The following ARHGAP31 variants were observed in gnomAD, a reference collection of about 807,000 sequenced individuals.
ARHGAP31 encodes the protein Rho GTPase activating protein 31, also known as rho GTPase-activating protein 31.
ARHGAP31 carries 34 observed loss-of-function variants against 113.9 expected under a neutral mutation model. The ratio of observed to expected loss-of-function variants is 0.30; its 90% CI spans 0.23 to 0.40. ARHGAP31 has a LOEUF of 0.40. Ranked by LOEUF, ARHGAP31 falls within the 10% of genes least tolerant of loss-of-function variation. ARHGAP31 has a pLI of 1.00. For synonymous variants in ARHGAP31, 650 were observed against 684.8 expected (o/e 0.95, Z 0.79); for missense variants, 1,548 against 1,767.1 (o/e 0.88, Z 2.22).
At chr3:119,351,135 G>C (rs146160542) in intron 1 of ARHGAP31, among the ~76,000 whole-genome samples, 16 of 152,330 alleles carry the variant, frequency 1.1e-4, no homozygotes, top group African/African-American at 3.8e-4. Flanking sequence ...TGCTGTAACT[G>C]TTGGGTACCC....
chr3:119,330,783 CTA>C (rs969880323), intron 1 of ARHGAP31, among the ~76,000 whole-genome samples: 9 of 152,188 alleles, frequency 5.9e-5, no homozygotes, highest in African/African-American at 2.2e-4. Flanking sequence ...TTAGGAGAAA[CTA>C]TAACTAAATG....
chr3:119,341,642 A>G (rs1364954196), intron 1 of ARHGAP31, among the ~76,000 whole-genome samples: 3 of 152,180 alleles, frequency 2.0e-5, no homozygotes, highest in Non-Finnish European at 4.4e-5. Context: ...CTTCTTAAAT[A>G]TATATCTATA....
Position 119,414,285 on chromosome 3 carries a change from C to T in ARHGAP31, c.2356C>T (p.Pro786Ser), listed in dbSNP as rs1389287145. ...GTCTCCTCCACTCCCACCTGCTCCT[C>T]CCCCTCCAACTCCTCTGGAGGAGTC... ...NLSPPLPPAP[P>S]PPTPLEESTP... is the part of the protein sequence containing the mutation. Residue 786 changes from proline to serine, a missense_variant, in exon 12 of 12, where the codon CCC becomes TCC. Coordinates refer to ENST00000264245, the MANE Select transcript of ARHGAP31 (RefSeq NM_020754.4). 4 of 1,614,094 alleles carry T rather than the reference C, an allele frequency of 2.5e-6. No homozygotes were observed. Among genetic ancestry groups the T allele is most frequent in the East Asian group, 2.2e-5 (1 of 44,890 alleles).
chr3:119,385,381 G>A (rs1416120455), intron 6 of ARHGAP31, among the ~76,000 whole-genome samples: 1 of 151,908 alleles, frequency 6.6e-6, no homozygotes, highest in Non-Finnish European at 1.5e-5. Context: ...TCTGCTTTTT[G>A]TGATTATGTA....
chr3:119,315,285 A>T (rs1381537568), intron 1 of ARHGAP31, among the ~76,000 whole-genome samples: 1 of 152,250 alleles, frequency 6.6e-6, no homozygotes, highest in Non-Finnish European at 1.5e-5. Context: ...TCCCTAAATT[A>T]TTCCAACTTT....
chr3:119,296,473 C>T (rs539829870), intron 1 of ARHGAP31, among the ~76,000 whole-genome samples: 11 of 152,222 alleles, frequency 7.2e-5, no homozygotes, highest in Non-Finnish European at 1.6e-4. Context: ...AAAGGTTCCT[C>T]TTCACCTATT....
intron 1 of ARHGAP31, among the ~76,000 whole-genome samples, chr3:119,302,915 A>G (rs974567119): frequency 1.3e-5 from 2 of 152,220 alleles, no homozygotes; most frequent in African/African-American, 4.8e-5. Context: ...ACCCTCTGCA[A>G]GGTGCATTTC....
At chr3:119,377,642 T>G (rs1289755510) in intron 3 of ARHGAP31, among the ~76,000 whole-genome samples, 2 of 151,938 alleles carry the variant, frequency 1.3e-5, no homozygotes, top group African/African-American at 4.8e-5. Flanking sequence ...TCCACAGGTG[T>G]AACAAAGACA....
At chr3:119,328,597 C>A (rs1330737587) in intron 1 of ARHGAP31, among the ~76,000 whole-genome samples, 1 of 152,070 alleles carries the variant, frequency 6.6e-6, no homozygotes, top group Non-Finnish European at 1.5e-5. Flanking sequence ...TCCCTGCCCA[C>A]CCAAACCCCT....
intron 7 of ARHGAP31, 93 bp downstream of exon 7, chr3:119,391,076 GT>G: frequency 7.2e-7 from 1 of 1,395,852 alleles, no homozygotes. Context: ...AGATGGCAGT[GT>G]GGGTTGGAGG....
At position 119,416,656 on chromosome 3, in the gene ARHGAP31, G is replaced by GC. The variant is rs941233172; in HGVS notation, c.*393dup. 36 of 295,960 alleles carry GC rather than the reference G, an allele frequency of 1.2e-4. No individual in the cohort carries two copies. Among genetic ancestry groups the GC allele is most frequent in the African/African-American group, 6.8e-4 (31 of 45,492 alleles). 18.3% of individuals were successfully genotyped at this position (295,960 alleles called of 1,614,324 possible). ...TCTTTGAAAGAAAGAAAAATCTCTTGCTGTGTCAAACCTCAAAATGTTGCT... is the reference window on the plus strand; with the variant it reads ...TCTTTGAAAGAAAGAAAAATCTCTTGCCTGTGTCAAACCTCAAAATGTTGCT... On this transcript the variant is annotated 3_prime_UTR_variant, in exon 12 of 12. Coordinates refer to ENST00000264245, the MANE Select transcript of ARHGAP31 (RefSeq NM_020754.4).
At chr3:119,342,363 G>T (rs1455498523) in intron 1 of ARHGAP31, among the ~76,000 whole-genome samples, 1 of 152,074 alleles carries the variant, frequency 6.6e-6, no homozygotes, top group Non-Finnish European at 1.5e-5. Context: ...AAGATCAAAA[G>T]AAAAAATAAA....
intron 3 of ARHGAP31, among the ~76,000 whole-genome samples, chr3:119,373,445 G>T (rs78548986): frequency 0.06 from 7,201 of 119,558 alleles, 324 homozygotes; most frequent in Admixed American, 0.18. Context: ...TTTTTTTTTT[G>T]TTGTTGTTGG....
intron 1 of ARHGAP31, among the ~76,000 whole-genome samples, chr3:119,364,728 T>C (rs746516924): frequency 3.3e-5 from 5 of 152,096 alleles, no homozygotes; most frequent in Non-Finnish European, 5.9e-5. Flanking sequence ...AGAGACCGAG[T>C]TGTGGAATGT....
chr3:119,330,196 T>C (rs1464991959), intron 1 of ARHGAP31, among the ~76,000 whole-genome samples: 1 of 152,224 alleles, frequency 6.6e-6, no homozygotes, highest in African/African-American at 2.4e-5. Context: ...ATTTGTGTAT[T>C]TTCCCATGTG....
At chr3:119,323,107 C>T (rs1473478215) in intron 1 of ARHGAP31, among the ~76,000 whole-genome samples, 1 of 152,244 alleles carries the variant, frequency 6.6e-6, no homozygotes, top group Non-Finnish European at 1.5e-5. Context: ...CAGCTTCCTC[C>T]CGCTGCTCCG....
intron 1 of ARHGAP31, among the ~76,000 whole-genome samples, chr3:119,348,924 G>A (rs1200103618): frequency 1.3e-5 from 2 of 152,160 alleles, no homozygotes; most frequent in African/African-American, 4.8e-5. Flanking sequence ...GGAGTAAGCA[G>A]GTTTGGATAA....
chr3:119,336,110 G>A (rs1456002448), intron 1 of ARHGAP31, among the ~76,000 whole-genome samples: 1 of 152,186 alleles, frequency 6.6e-6, no homozygotes, highest in African/African-American at 2.4e-5. Context: ...GGGAGGCGGA[G>A]GTAGCAGTGA....
chr3:119,391,111 G>T, intron 7 of ARHGAP31, 128 bp downstream of exon 7: 1 of 1,038,560 alleles, frequency 9.6e-7, no homozygotes. Context: ...GGGGTTTAAG[G>T]AAACATTCCA....
Sources: gnomAD v4.1 joint callset for allele counts (sites outside exome capture counted in the v4.1 genomes callset) on GRCh38, gnomAD v4.1.1 for gene constraint, MANE v1.5 for transcripts, NCBI Gene and HGNC (gene_info 2026-07-23, HGNC 2026-07-21) for gene names.